LCORL: variants seen among roughly 807,000 people sequenced by gnomAD.
LCORL encodes the protein ligand-dependent nuclear receptor corepressor-like protein.
LCORL carries 41 observed loss-of-function variants against 141.8 expected under a neutral mutation model. The ratio of observed to expected loss-of-function variants is 0.29; its 90% CI spans 0.23 to 0.38. LCORL has a LOEUF of 0.38. Ranked by LOEUF, LCORL falls within the 10% of genes least tolerant of loss-of-function variation. The pLI is 1.00. For missense variants in LCORL, 1,759 were observed against 2,035.0 expected, an observed-to-expected ratio of 0.86 and a Z score of 2.61; for synonymous variants, 618 against 694.1, an observed-to-expected ratio of 0.89 and a Z score of 1.72.
chr4:17,961,900 T>C lies in LCORL; in HGVS notation c.430+3A>G. ...TTTAAATGACAAAGCATACCAATAT[T>C]ACCTTTCTTTCGAAAGAGTGCATTT... On this transcript the variant is annotated splice_donor_region_variant and intron_variant, in intron 4 of 7. Coordinates refer to ENST00000635767, the Ensembl canonical transcript of LCORL. 2 of 1,605,330 alleles carry C rather than the reference T, an allele frequency of 1.2e-6. No homozygotes were observed. The highest frequency in any genetic ancestry group is 8.5e-7 in the Non-Finnish European group (1 of 1,176,310).
intron 4 of LCORL, among the ~76,000 whole-genome samples, chr4:17,961,346 A>G (rs948736459): frequency 6.6e-6 from 1 of 152,110 alleles, no homozygotes; most frequent in Non-Finnish European, 1.5e-5. Context: ...TAAGGGAACA[A>G]GTAAAACAAA....
At chr4:17,883,088 T>C (rs2109211637) in intron 6 of LCORL, 1 of 969,028 alleles carries the variant, frequency 1.0e-6, no homozygotes, top group Admixed American at 6.2e-5. Context: ...AACTATTAAA[T>C]GATAAATATT....
chr4:17,903,009 T>G (rs536224755), intron 5 of LCORL, among the ~76,000 whole-genome samples: 41 of 152,240 alleles, frequency 2.7e-4, no homozygotes, highest in African/African-American at 8.4e-4. Flanking sequence ...TATTAAAAAG[T>G]ATATTTCAGA....
At chr4:17,953,366 G>A (rs1025655602) in intron 4 of LCORL, among the ~76,000 whole-genome samples, 1 of 152,204 alleles carries the variant, frequency 6.6e-6, no homozygotes, top group African/African-American at 2.4e-5. Context: ...CCCACCAGCA[G>A]TGTGTAAGTG....
chr4:17,925,524 G>A (rs369640433), intron 4 of LCORL, among the ~76,000 whole-genome samples: 1 of 152,250 alleles, frequency 6.6e-6, no homozygotes, highest in Non-Finnish European at 1.5e-5. Flanking sequence ...AGGACCACGT[G>A]ACCAGTTGCA....
At chr4:17,985,489 T>C (rs1718798847) in intron 1 of LCORL, among the ~76,000 whole-genome samples, 1 of 152,210 alleles carries the variant, frequency 6.6e-6, no homozygotes, top group African/African-American at 2.4e-5. Context: ...TTAGGTCTTC[T>C]TGTTGAATTG....
intron 2 of LCORL, 150 bp from the exon 3 acceptor site, chr4:17,963,199 C>T (rs1714198206): frequency 2.2e-6 from 1 of 455,554 alleles, no homozygotes; most frequent in Admixed American, 4.0e-5. Flanking sequence ...AAACTCACAA[C>T]ATCTAGAAAT....
intron 4 of LCORL, among the ~76,000 whole-genome samples, chr4:17,927,729 G>C (rs1577446709): frequency 6.6e-6 from 1 of 152,188 alleles, no homozygotes; most frequent in South Asian, 2.1e-4. Context: ...TTCTCATATG[G>C]GAGTGGTTCG....
At chr4:17,885,444 A>G (rs1324837260) in intron 6 of LCORL, among the ~76,000 whole-genome samples, 1 of 151,994 alleles carries the variant, frequency 6.6e-6, no homozygotes, top group Non-Finnish European at 1.5e-5. Context: ...TCTACCTCTA[A>G]GATTTAAATG....
At chr4:17,911,962 G>T (rs961342284) in intron 4 of LCORL, 3 of 605,492 alleles carry the variant, frequency 5.0e-6, no homozygotes, top group African/African-American at 3.7e-5. Context: ...AAGCCTGAAT[G>T]ACTGCTTGGC....
Position 17,886,177 on chromosome 4 carries a change from G to C in LCORL, c.683-16C>G, listed in dbSNP as rs563633767. 7.3e-7 allele frequency: 1 copy of C among 1,373,236 alleles called. No homozygotes were observed. Among genetic ancestry groups the C allele is most frequent in the East Asian group, 2.3e-5 (1 of 43,152 alleles). 85.1% of individuals were successfully genotyped at this position (1,373,236 alleles called of 1,614,324 possible). A position where few individuals can be genotyped will look rare whatever the true frequency, so the allele number is the denominator to read the frequency against. ...ACTCCATCCCCTATAATTTTTGCAA[G>C]AGAAAAAACTTTATATTTGCAACAG... On this transcript the variant is annotated splice_polypyrimidine_tract_variant and intron_variant, in intron 5 of 7. Coordinates refer to ENST00000635767, the Ensembl canonical transcript of LCORL.
chr4:17,866,342 G>GT, intron 7 of LCORL, among the ~76,000 whole-genome samples: 1 of 152,292 alleles, frequency 6.6e-6, no homozygotes, highest in Middle Eastern at 3.4e-3. Context: ...TACTGAGAAT[G>GT]TAACAGATTT....
At chr4:17,872,786 G>C (rs1726503829) in intron 7 of LCORL, among the ~76,000 whole-genome samples, 1 of 152,060 alleles carries the variant, frequency 6.6e-6, no homozygotes, top group Non-Finnish European at 1.5e-5. Context: ...TACTCAACAA[G>C]TTTGCTGATT....
At chr4:17,938,778 C>A (rs1415337928) in intron 4 of LCORL, among the ~76,000 whole-genome samples, 3 of 152,110 alleles carry the variant, frequency 2.0e-5, no homozygotes, top group African/African-American at 2.4e-5. Context: ...ATTTTTATAA[C>A]CCACTCAAAA....
chr4:17,962,637 T>A (rs557825996), intron 3 of LCORL, among the ~76,000 whole-genome samples: 1 of 152,002 alleles, frequency 6.6e-6, no homozygotes, highest in Non-Finnish European at 1.5e-5. Context: ...TGTAGGGTGG[T>A]CTCAGACCAA....
chr4:17,945,805 A>G (rs1397706054), intron 4 of LCORL, among the ~76,000 whole-genome samples: 1 of 151,780 alleles, frequency 6.6e-6, no homozygotes, highest in Non-Finnish European at 1.5e-5. Context: ...TTGACAACGT[A>G]TATGTTAAAA....
intron 1 of LCORL, among the ~76,000 whole-genome samples, chr4:18,013,840 G>A (rs1399372376): frequency 6.7e-6 from 1 of 148,508 alleles, no homozygotes; most frequent in African/African-American, 2.5e-5. Context: ...TCGGAGTCTT[G>A]GTCTGTCACC....
intron 4 of LCORL, chr4:17,913,045 T>A (rs565904480): frequency 4.3e-5 from 10 of 234,268 alleles, no homozygotes; most frequent in Non-Finnish European, 7.6e-5. Flanking sequence ...TCAAAAAAAA[T>A]GGACAACTCA....
intron 4 of LCORL, among the ~76,000 whole-genome samples, chr4:17,941,677 T>G (rs1016637862): frequency 6.6e-6 from 1 of 152,116 alleles, no homozygotes; most frequent in Non-Finnish European, 1.5e-5. Flanking sequence ...ACAAAACACT[T>G]AAGTATTGTA....
Sources: allele counts gnomAD v4.1 joint callset (sites outside exome capture counted in the v4.1 genomes callset), GRCh38; gene constraint gnomAD v4.1.1; transcripts MANE v1.5; gene names NCBI Gene and HGNC (gene_info 2026-07-23, HGNC 2026-07-21).